ANKFN1: variants seen among roughly 807,000 people sequenced by gnomAD.
The protein encoded by ANKFN1 is ankyrin repeat and fibronectin type-III domain-containing protein 1.
A neutral mutation model predicts 108.7 loss-of-function variants in ANKFN1; 74 were observed. The observed-to-expected ratio is 0.68, with a 90% CI of 0.56 to 0.83. The LOEUF (loss-of-function observed/expected upper bound fraction) is 0.83. ANKFN1 is among the 40% of genes least tolerant of loss of function. The pLI is 0.00. For synonymous variants in ANKFN1, 547 were observed against 516.2 expected (o/e 1.06, Z -0.81); for missense variants, 1,505 against 1,382.3 (o/e 1.09, Z -1.41).
At chr17:56,411,805 T>C (rs1302201297) in intron 8 of ANKFN1, among the ~76,000 whole-genome samples, 1 of 152,212 alleles carries the variant, frequency 6.6e-6, no homozygotes, top group Non-Finnish European at 1.5e-5. Context: ...GATTTATATA[T>C]GTTGAAATCC....
intron 2 of ANKFN1, among the ~76,000 whole-genome samples, 43 bp downstream of exon 2, chr17:56,212,722 A>C (rs1243394131): frequency 6.6e-6 from 1 of 152,182 alleles, no homozygotes; most frequent in East Asian, 1.9e-4. Flanking sequence ...GCAACTCCAT[A>C]CAAAAGAAAA....
chr17:56,189,252 G>A (rs1384295331), intron 1 of ANKFN1, among the ~76,000 whole-genome samples: 1 of 135,826 alleles, frequency 7.4e-6, no homozygotes, highest in Non-Finnish European at 1.5e-5. Context: ...CTCACTGCAA[G>A]CTCCGCCTCC....
At chr17:56,413,936 C>T (rs763211724) in intron 8 of ANKFN1, among the ~76,000 whole-genome samples, 1 of 152,164 alleles carries the variant, frequency 6.6e-6, no homozygotes, top group Non-Finnish European at 1.5e-5. Flanking sequence ...CCTCATCCTC[C>T]CAAAGTTCTG....
At chr17:56,140,942 G>A (rs190527558) in intron 4 of ANKFN1, among the ~76,000 whole-genome samples, 2 of 152,214 alleles carry the variant, frequency 1.3e-5, no homozygotes, top group Admixed American at 6.5e-5. Flanking sequence ...GAAAGTAAAG[G>A]TCACATCATG....
chr17:56,098,434 ACACACG>A (rs1436338915), intron 4 of ANKFN1, among the ~76,000 whole-genome samples: 4 of 148,032 alleles, frequency 2.7e-5, no homozygotes, highest in African/African-American at 1.1e-4. Flanking sequence ...ACACACACAC[ACACACG>A]CGCGCGCACA....
intron 4 of ANKFN1, among the ~76,000 whole-genome samples, chr17:56,349,530 T>G (rs1431184250): frequency 1.3e-5 from 2 of 152,094 alleles, no homozygotes; most frequent in African/African-American, 4.8e-5. Context: ...AATTAACTTC[T>G]GGGTAGTGCT....
intron 14 of ANKFN1, among the ~76,000 whole-genome samples, chr17:56,459,772 A>T (rs1258805276): frequency 6.6e-6 from 1 of 152,176 alleles, no homozygotes; most frequent in Non-Finnish European, 1.5e-5. Flanking sequence ...AAGTCAGTGC[A>T]GTCAGACGCT....
At chr17:56,392,300 A>C (rs1311424957) in intron 8 of ANKFN1, among the ~76,000 whole-genome samples, 1 of 152,158 alleles carries the variant, frequency 6.6e-6, no homozygotes, top group Non-Finnish European at 1.5e-5. Context: ...GGGCAATAAA[A>C]TGTCTCTGAA....
At chr17:56,063,529 CT>C in intron 4 of ANKFN1, among the ~76,000 whole-genome samples, 1 of 151,310 alleles carries the variant, frequency 6.6e-6, no homozygotes, top group Non-Finnish European at 1.5e-5. Context: ...CTTTCTTCTG[CT>C]TGGTCGATTT....
At chr17:56,194,979 A>C (rs976828534) in intron 1 of ANKFN1, among the ~76,000 whole-genome samples, 1 of 152,244 alleles carries the variant, frequency 6.6e-6, no homozygotes, top group Non-Finnish European at 1.5e-5. Context: ...TCTATGACTC[A>C]TGTAGACAAC....
At chr17:56,446,177 A>T (rs1210579699) in intron 10 of ANKFN1, among the ~76,000 whole-genome samples, 2 of 152,188 alleles carry the variant, frequency 1.3e-5, no homozygotes, top group African/African-American at 2.4e-5. Flanking sequence ...CTCGCCTCTG[A>T]TGTAATAGGG....
intron 4 of ANKFN1, among the ~76,000 whole-genome samples, chr17:56,339,452 C>G (rs2045904933): frequency 6.6e-6 from 1 of 152,080 alleles, no homozygotes. Flanking sequence ...TGATCCTCTC[C>G]CTCTTCCTAT....
In ANKFN1 at chr17:56,482,526, T is replaced by C. The variant is rs1476789062; in HGVS notation, c.2260+2T>C. The C allele has an allele frequency of 6.2e-7, 1 of 1,610,298 alleles. No individual in the cohort carries two copies. Among genetic ancestry groups the C allele is most frequent in the African/African-American group, 1.3e-5 (1 of 74,736 alleles). On this transcript the variant is annotated splice_donor_variant, in intron 18 of 20. Transcript: ENST00000682825. LOFTEE classifies it high-confidence loss of function. The stretch of plus-strand genomic sequence containing the variant: ...TCCCTCTTCAGATGTTTGAACTTGG[T>C]ATAGTAGCTTGTTTCACCTAGAAAT...
At chr17:56,147,896 C>A (rs1384275312) in intron 4 of ANKFN1, among the ~76,000 whole-genome samples, 1 of 152,122 alleles carries the variant, frequency 6.6e-6, no homozygotes, top group Non-Finnish European at 1.5e-5. Context: ...TTCTACTTGC[C>A]ACTTTAATAA....
chr17:56,389,378 G>A (rs7213782), intron 8 of ANKFN1, among the ~76,000 whole-genome samples: 8,893 of 152,262 alleles, frequency 0.058, 303 homozygotes, highest in African/African-American at 0.078. Flanking sequence ...ACAGATTAGC[G>A]GTTGCCAAGA....
intron 4 of ANKFN1, among the ~76,000 whole-genome samples, chr17:56,050,059 T>G (rs1380464686): frequency 1.3e-5 from 2 of 151,928 alleles, no homozygotes; most frequent in Non-Finnish European, 2.9e-5. Context: ...ACCTGTTGTT[T>G]CCTGACTTTT....
At chr17:56,078,772 G>T (rs1310513122) in intron 4 of ANKFN1, among the ~76,000 whole-genome samples, 1 of 152,188 alleles carries the variant, frequency 6.6e-6, no homozygotes, top group Non-Finnish European at 1.5e-5. Flanking sequence ...CTCAGCAGTG[G>T]TTCTCTCCAG....
intron 4 of ANKFN1, among the ~76,000 whole-genome samples, chr17:56,334,816 A>G (rs1212837714): frequency 2.0e-5 from 3 of 152,168 alleles, no homozygotes; most frequent in Non-Finnish European, 4.4e-5. Flanking sequence ...AATATCCTGA[A>G]TGGTATTGCC....
intron 4 of ANKFN1, among the ~76,000 whole-genome samples, chr17:56,334,791 T>C (rs1397660168): frequency 1.3e-5 from 2 of 152,134 alleles, no homozygotes; most frequent in Non-Finnish European, 1.5e-5. Context: ...AAAACCACCA[T>C]AAAGAATGGA....
Sources: gnomAD v4.1 joint callset for allele counts (sites outside exome capture counted in the v4.1 genomes callset) on GRCh38, gnomAD v4.1.1 for gene constraint, MANE v1.5 for transcripts, NCBI Gene and HGNC (gene_info 2026-07-23, HGNC 2026-07-21) for gene names.